Variants in PRKAR1B observed in about 807,000 individuals in gnomAD.
The protein encoded by PRKAR1B is cAMP-dependent protein kinase type I-beta regulatory subunit.
A neutral mutation model predicts 46.5 loss-of-function variants in PRKAR1B; 22 were observed. The ratio of observed to expected loss-of-function variants is 0.47; its 90% CI spans 0.34 to 0.68. The LOEUF (loss-of-function observed/expected upper bound fraction) is 0.68, where lower values mean the gene tolerates loss of function less well. Among genes scored for constraint, PRKAR1B ranks in the 30% least tolerant of loss-of-function variants. The probability of loss-of-function intolerance (pLI) is 0.01; values close to 1 mark genes in which losing one functional copy is unlikely to be tolerated. For synonymous variants in PRKAR1B, 259 were observed against 217.7 expected, an observed-to-expected ratio of 1.19 and a Z score of -1.67; for missense variants, 445 against 535.6, an observed-to-expected ratio of 0.83 and a Z score of 1.67.
chr7:572,445 T>C (rs1291233100), intron 9 of PRKAR1B, among the ~76,000 whole-genome samples: 1 of 151,514 alleles, frequency 6.6e-6, no homozygotes, highest in Admixed American at 6.6e-5. Flanking sequence ...GTCTCGGGAG[T>C]TGGGGTTCCT....
At chr7:599,802 C>A (rs957499992) in intron 6 of PRKAR1B, among the ~76,000 whole-genome samples, 23 of 133,216 alleles carry the variant, frequency 1.7e-4, no homozygotes, top group African/African-American at 6.4e-4. Context: ...CATTCACCTT[C>A]ACTCGCTCAC....
At chr7:583,523 GCA>G (rs1420233932) in intron 8 of PRKAR1B, among the ~76,000 whole-genome samples, 2 of 123,702 alleles carry the variant, frequency 1.6e-5, no homozygotes, top group African/African-American at 6.5e-5. Flanking sequence ...ACACACGCGT[GCA>G]CACACCCACT....
intron 1 of PRKAR1B, among the ~76,000 whole-genome samples, chr7:720,933 G>C (rs892904085): frequency 1.3e-5 from 2 of 152,116 alleles, no homozygotes; most frequent in African/African-American, 4.8e-5. Flanking sequence ...GGTGTGTTTA[G>C]GCCATTTACA....
chr7:685,308 GTATA>G (rs373416786), intron 2 of PRKAR1B, among the ~76,000 whole-genome samples: 1 of 11,314 alleles, frequency 8.8e-5, no homozygotes, highest in Non-Finnish European at 1.4e-4. Flanking sequence ...ATATATATAC[GTATA>G]TATACGTATA....
At chr7:677,185 A>C (rs562948523) in intron 4 of PRKAR1B, 44 bp downstream of exon 4, 55 of 1,585,036 alleles carry the variant, frequency 3.5e-5, no homozygotes, top group Non-Finnish European at 2.0e-5. Flanking sequence ...CCGGAGGCCG[A>C]GGAGGGCGGC....
rs1266743038 is a variant in PRKAR1B, at chr7:644,515, C to T, written c.440+32714G>A. Among the ~76,000 whole-genome samples, 1 of 152,174 alleles carries T rather than the reference C, an allele frequency of 6.6e-6. No individual in the cohort carries two copies. The highest frequency in any genetic ancestry group is 2.1e-4 in the South Asian group (1 of 4,834). Reference sequence around the variant, plus strand: ...GCCATCCCGGGGTCCAGCATCCCTCCGAGGGCCCACCCTCCACTCCCCGCT... The same window carrying T: ...GCCATCCCGGGGTCCAGCATCCCTCTGAGGGCCCACCCTCCACTCCCCGCT... On this transcript the variant is annotated intron_variant, in intron 4 of 10. Transcript: ENST00000537384. The surrounding 1 kb of genome is among the most constrained non-coding windows in gnomAD (Gnocchi z 4.9).
At chr7:623,034 C>T (rs567951321) in intron 4 of PRKAR1B, among the ~76,000 whole-genome samples, 43 of 152,286 alleles carry the variant, frequency 2.8e-4, no homozygotes, top group African/African-American at 9.4e-4. Context: ...GCTGGCATCA[C>T]GGTCCTATCT....
intron 2 of PRKAR1B, 59 bp downstream of exon 2, chr7:711,270 T>C (rs1353128131): frequency 6.3e-7 from 1 of 1,590,880 alleles, no homozygotes; most frequent in Non-Finnish European, 8.6e-7. Flanking sequence ...CTTCCCCGGC[T>C]GCCGCCTCTG....
At chr7:664,127 C>T (rs992738288) in intron 4 of PRKAR1B, among the ~76,000 whole-genome samples, 2 of 152,184 alleles carry the variant, frequency 1.3e-5, no homozygotes, top group Admixed American at 6.5e-5. Flanking sequence ...ACCTTCCCTT[C>T]GCCTGGCCTC....
chr7:624,303 T>C (rs1783263971), intron 4 of PRKAR1B, among the ~76,000 whole-genome samples: 1 of 152,104 alleles, frequency 6.6e-6, no homozygotes, highest in Non-Finnish European at 1.5e-5. Context: ...CTTGGTGACA[T>C]GTGCCTGTAA....
intron 9 of PRKAR1B, among the ~76,000 whole-genome samples, chr7:561,187 GCA>G (rs1778773154): frequency 6.9e-6 from 1 of 145,874 alleles, no homozygotes; most frequent in Non-Finnish European, 1.5e-5. Flanking sequence ...ATACACACAT[GCA>G]CACACACCCC....
chr7:657,904 G>A (rs577297053), intron 4 of PRKAR1B, among the ~76,000 whole-genome samples: 48 of 152,256 alleles, frequency 3.2e-4, no homozygotes, highest in African/African-American at 7.2e-4. Context: ...CGAGGCTTGC[G>A]TAATTCCCAC....
Position 714,625 on chromosome 7 carries a change from C to G in PRKAR1B, c.-22-3098G>C, listed in dbSNP as rs1780810375. 6.6e-6 allele frequency among the ~76,000 whole-genome samples: 1 copy of G among 152,234 alleles called. No homozygotes were observed. The highest frequency in any genetic ancestry group is 3.2e-3 in the Middle Eastern group (1 of 316). On this transcript the variant is annotated intron_variant, in intron 1 of 10. Transcript: ENST00000537384. This position sits in a 1 kb window ranked among gnomAD's most constrained non-coding sequence, Gnocchi z 4.3. ...CAAGGACTCCCTCTCCAGACTGGCT[C>G]TGGTAGGAGTGCGAGGCGTGGCCCC... is the stretch of plus-strand genomic sequence containing the variant.
At position 722,478 on chromosome 7, in the gene PRKAR1B, C is replaced by A. The variant is rs537625566; in HGVS notation, c.-23+4732G>T. 1.4e-3 allele frequency among the ~76,000 whole-genome samples: 215 copies of A among 152,020 alleles called. 1 individual carries two copies. Among genetic ancestry groups the A allele is most frequent in the African/African-American group, 4.9e-3 (205 of 41,426 alleles). On this transcript the variant is annotated intron_variant, in intron 1 of 10. Coordinates refer to ENST00000537384, the MANE Select transcript of PRKAR1B (RefSeq NM_001164760.2). The stretch of plus-strand genomic sequence containing the variant: ...TTTCAAACTCCTGACCACAGGTGAT[C>A]TGCCTGCCTTGGCCTCACAAAGTGC...
intron 1 of PRKAR1B, among the ~76,000 whole-genome samples, chr7:711,852 G>A (rs953359956): frequency 6.6e-6 from 1 of 151,636 alleles, no homozygotes; most frequent in Non-Finnish European, 1.5e-5. Context: ...GGGGGGGCCC[G>A]GCGCCCTGAG....
At chr7:692,217 T>C (rs1045974269) in intron 2 of PRKAR1B, among the ~76,000 whole-genome samples, 3 of 152,182 alleles carry the variant, frequency 2.0e-5, no homozygotes, top group Admixed American at 2.0e-4. Context: ...CTGACCAACA[T>C]GGTGAAACCC....
chr7:595,104 T>C (rs2128456114), intron 7 of PRKAR1B, among the ~76,000 whole-genome samples: 1 of 152,272 alleles, frequency 6.6e-6, no homozygotes, highest in East Asian at 1.9e-4. Flanking sequence ...CTGCGGGTCC[T>C]CGGCCTGGAG....
chr7:674,107 C>G (rs926901081), intron 4 of PRKAR1B, among the ~76,000 whole-genome samples: 1 of 152,224 alleles, frequency 6.6e-6, no homozygotes, highest in African/African-American at 2.4e-5. Flanking sequence ...CAAAGTCCCT[C>G]TCTGCCACTC....
intron 7 of PRKAR1B, among the ~76,000 whole-genome samples, chr7:592,341 G>C (rs1781024824): frequency 6.6e-6 from 1 of 152,260 alleles, no homozygotes; most frequent in Admixed American, 6.5e-5. Context: ...GTGACAAACT[G>C]CTTGTGCTGA....
Sources: gnomAD v4.1 joint callset for allele counts (sites outside exome capture counted in the v4.1 genomes callset) on GRCh38, gnomAD v4.1.1 for gene constraint, Gnocchi (gnomAD v3.1) non-coding constraint, MANE v1.5 for transcripts, NCBI Gene and HGNC (gene_info 2026-07-23, HGNC 2026-07-21) for gene names.